AAK1: variants seen among roughly 807,000 people sequenced by gnomAD.
AAK1 encodes AP2-associated protein kinase 1.
A neutral mutation model predicts 116.0 loss-of-function variants in AAK1; 37 were observed. The observed-to-expected ratio is 0.32, with a 90% CI of 0.25 to 0.42. AAK1 has a LOEUF of 0.42. AAK1 is among the 10% of genes least tolerant of loss of function. AAK1 has a pLI of 1.00. For synonymous variants in AAK1, 458 were observed against 439.9 expected (o/e 1.04, Z -0.51); for missense variants, 919 against 1,170.6 (o/e 0.79, Z 3.14).
intron 8 of AAK1, among the ~76,000 whole-genome samples, chr2:69,529,001 T>C (rs1168993194): frequency 6.6e-6 from 1 of 151,982 alleles, no homozygotes; most frequent in African/African-American, 2.4e-5. Context: ...CTCCTTTTTT[T>C]GTTAATAAAT....
chr2:69,462,237 C>T lies in AAK1; in HGVS notation c.*13632G>A, dbSNP rs1409768321. 2.1e-5 allele frequency: 1 copy of T among 48,778 alleles called. No individual in the cohort carries two copies. The highest frequency in any genetic ancestry group is 9.5e-5 in the African/African-American group (1 of 10,480). 3.0% of individuals were successfully genotyped at this position (48,778 alleles called of 1,614,324 possible). A position where few individuals can be genotyped will look rare whatever the true frequency, so the allele number is the denominator to read the frequency against. ...CTGTTGTGGGGTGGGGGGAGGGGGGCGGGATAGCATTAGGAGATATACCTA... is the reference window on the plus strand; with the variant it reads ...CTGTTGTGGGGTGGGGGGAGGGGGGTGGGATAGCATTAGGAGATATACCTA... On this transcript the variant is annotated 3_prime_UTR_variant, in exon 22 of 22. Coordinates refer to ENST00000409085, the MANE Select transcript of AAK1 (RefSeq NM_014911.5).
At position 69,468,007 on chromosome 2, in the gene AAK1, T is replaced by G. The variant is rs1674545732; in HGVS notation, c.*7862A>C. 1 of 985,504 alleles carries G rather than the reference T, an allele frequency of 1.0e-6. No homozygotes were observed. The allele number at this position is 985,504 out of a possible 1,614,324, so 61.0% of individuals were successfully genotyped here. ...ATGTGTTTGTCCTCCATTTTTATTTTCCTTTCTAACAGTTTGAATGCGTTC... is the reference window on the plus strand; with the variant it reads ...ATGTGTTTGTCCTCCATTTTTATTTGCCTTTCTAACAGTTTGAATGCGTTC... On this transcript the variant is annotated 3_prime_UTR_variant, in exon 22 of 22. Coordinates refer to ENST00000409085, the MANE Select transcript of AAK1 (RefSeq NM_014911.5).
chr2:69,493,392 C>T (rs550609541), intron 17 of AAK1, among the ~76,000 whole-genome samples: 19 of 152,026 alleles, frequency 1.2e-4, no homozygotes, highest in Non-Finnish European at 1.0e-4. Context: ...GTGGGCTGTG[C>T]CTTCCTTTAT....
intron 18 of AAK1, chr2:69,482,093 T>G (rs1319324365): frequency 1.9e-5 from 3 of 154,770 alleles, no homozygotes; most frequent in African/African-American, 7.2e-5. Flanking sequence ...GGCTCACCCC[T>G]GTAATCCCAG....
chr2:69,473,741 AAATC>A lies in AAK1; in HGVS notation c.*2124_*2127del. On this transcript the variant is annotated 3_prime_UTR_variant, in exon 22 of 22. Transcript: ENST00000409085. ...TATTTCTAACATGTATATACGAAAA[AAATC>A]AAATATGAAAACATAGAACTCAAAC... 1.0e-6 allele frequency: 1 copy of A among 972,952 alleles called. No individual in the cohort carries two copies. The allele number at this position is 972,952 out of a possible 1,614,324, so 60.3% of individuals were successfully genotyped here.
intron 2 of AAK1, among the ~76,000 whole-genome samples, chr2:69,603,560 A>G (rs1259776420): frequency 6.6e-6 from 1 of 152,210 alleles, no homozygotes; most frequent in East Asian, 1.9e-4. Flanking sequence ...GAGTCACTTC[A>G]GAGCAGCTCT....
chr2:69,481,103 T>C (rs971992205), intron 18 of AAK1, 142 bp from the exon 19 acceptor site: 1 of 686,266 alleles, frequency 1.5e-6, no homozygotes. Flanking sequence ...TCAAGCGATC[T>C]ATCCCACCTT....
At chr2:69,501,869 G>A (rs1675991943) in intron 16 of AAK1, among the ~76,000 whole-genome samples, 1 of 152,142 alleles carries the variant, frequency 6.6e-6, no homozygotes, top group African/African-American at 2.4e-5. Flanking sequence ...TGCTTGGGAG[G>A]CTGAGACAGG....
chr2:69,611,446 A>G (rs1674077098), intron 2 of AAK1, among the ~76,000 whole-genome samples: 1 of 152,090 alleles, frequency 6.6e-6, no homozygotes, highest in Non-Finnish European at 1.5e-5. Flanking sequence ...CCTTGGTAAA[A>G]CTTATACAGC....
At chr2:69,506,251 G>A (rs1328668828) in intron 15 of AAK1, among the ~76,000 whole-genome samples, 2 of 152,182 alleles carry the variant, frequency 1.3e-5, no homozygotes, top group African/African-American at 4.8e-5. Context: ...GTAGTCTATA[G>A]AGGTATTTCT....
chr2:69,544,080 T>C (rs930568237), intron 4 of AAK1, among the ~76,000 whole-genome samples: 1 of 152,132 alleles, frequency 6.6e-6, no homozygotes, highest in Non-Finnish European at 1.5e-5. Context: ...GTGAGGGAGT[T>C]GGGGAAGCTG....
At position 69,591,583 on chromosome 2, in the gene AAK1, T is replaced by C. The variant is rs1471134802; in HGVS notation, c.164-34605A>G. On this transcript the variant is annotated intron_variant, in intron 2 of 21. Coordinates refer to ENST00000409085, the MANE Select transcript of AAK1 (RefSeq NM_014911.5). ...TCTCCCAGGCTGGAGTGCAGTGGCG[T>C]GATCTCGGCTCACTGCAACCTCTGC... Among the ~76,000 whole-genome samples, 4 of 139,244 alleles carry C rather than the reference T, an allele frequency of 2.9e-5. No individual in the cohort carries two copies. The South Asian group carries it at 9.1e-4, about 32-fold the overall frequency. 91.3% of individuals were successfully genotyped at this position (139,244 alleles called of 152,430 possible).
intron 16 of AAK1, among the ~76,000 whole-genome samples, chr2:69,497,623 C>T (rs1449556366): frequency 6.6e-6 from 1 of 151,846 alleles, no homozygotes; most frequent in African/African-American, 2.4e-5. Flanking sequence ...CTTTACTTTG[C>T]ATTTCAGTAT....
rs766012181 is a variant in AAK1, at chr2:69,509,317, G to T, written c.1920C>A (p.Thr640=). Residue 640 remains threonine, a synonymous_variant, in exon 14 of 22, where the codon ACC becomes ACA. Transcript: ENST00000409085. ...AGHRRILSDV[T]HSAVFGVPAS... ...CAGGGACCCCAAAGACTGCACTGTGGGTTACGTCACTGAGAATACGCCTGT... is the reference window on the plus strand; with the variant it reads ...CAGGGACCCCAAAGACTGCACTGTGTGTTACGTCACTGAGAATACGCCTGT... 3.7e-6 allele frequency: 6 copies of T among 1,613,924 alleles called. No homozygotes were observed. Among genetic ancestry groups the T allele is most frequent in the Non-Finnish European group, 5.1e-6 (6 of 1,179,866 alleles).
chr2:69,471,799 C>G lies in AAK1; in HGVS notation c.*4070G>C. 1 of 985,484 alleles carries G rather than the reference C, an allele frequency of 1.0e-6. No individual in the cohort carries two copies. The highest frequency in any genetic ancestry group is 1.7e-5 in the African/African-American group (1 of 57,364). 61.0% of individuals were successfully genotyped at this position (985,484 alleles called of 1,614,324 possible). On this transcript the variant is annotated 3_prime_UTR_variant, in exon 22 of 22. Transcript: ENST00000409085. ...AGATCCCTTCATTCCCACAGCACTG[C>G]TGAAGGCAGAACTGTTCCTAACCTG...
rs559901157 is a variant in AAK1, at chr2:69,561,805, T to C, written c.164-4827A>G. ...ACTTTGGATCTGCTTTCCATCCCTA[T>C]AGTTTTGCTTGCTCTAGAATAAATG... On this transcript the variant is annotated intron_variant, in intron 2 of 21. Transcript: ENST00000409085. 6.6e-4 allele frequency among the ~76,000 whole-genome samples: 100 copies of C among 152,208 alleles called. 1 individual carries two copies. The highest frequency in any genetic ancestry group is 1.4e-3 in the Non-Finnish European group (92 of 68,028).
At chr2:69,624,544 A>G (rs542407510) in intron 2 of AAK1, among the ~76,000 whole-genome samples, 2 of 152,368 alleles carry the variant, frequency 1.3e-5, no homozygotes, top group South Asian at 4.1e-4. Flanking sequence ...TATGGGTAAC[A>G]CTTTCTATTT....
At chr2:69,572,410 G>T (rs1426279692) in intron 2 of AAK1, among the ~76,000 whole-genome samples, 1 of 151,996 alleles carries the variant, frequency 6.6e-6, no homozygotes, top group African/African-American at 2.4e-5. Flanking sequence ...CTGAGGTGAG[G>T]AATTCGAGAC....
chr2:69,486,637 C>T (rs1675312319), intron 17 of AAK1, among the ~76,000 whole-genome samples: 2 of 152,190 alleles, frequency 1.3e-5, no homozygotes, highest in East Asian at 1.9e-4. Flanking sequence ...CCTCCAGGTG[C>T]CATCACAATG....
Sources: allele counts gnomAD v4.1 joint callset (sites outside exome capture counted in the v4.1 genomes callset), GRCh38; gene constraint gnomAD v4.1.1; transcripts MANE v1.5; gene names NCBI Gene and HGNC (gene_info 2026-07-23, HGNC 2026-07-21).